CHRNA10: variants seen among roughly 807,000 people sequenced by gnomAD.
CHRNA10 encodes the protein neuronal acetylcholine receptor subunit alpha-10.
A neutral mutation model predicts 36.0 loss-of-function variants in CHRNA10; 31 were observed. The ratio of observed to expected loss-of-function variants is 0.86; its 90% CI spans 0.65 to 1.16. The LOEUF is 1.16. Ranked by LOEUF, CHRNA10 falls within the 50% of genes most tolerant of loss-of-function variation. The pLI, the probability that CHRNA10 is intolerant of heterozygous loss-of-function variation, is 0.00. For missense variants in CHRNA10, 648 were observed against 640.9 expected, an observed-to-expected ratio of 1.01 and a Z score of -0.12; for synonymous variants, 302 against 287.0, an observed-to-expected ratio of 1.05 and a Z score of -0.53.
At position 3,667,416 on chromosome 11, in the gene CHRNA10, G is replaced by T. The variant is rs760737901; in HGVS notation, c.711C>A (p.Ala237=). 4 of 1,596,462 alleles carry T rather than the reference G, an allele frequency of 2.5e-6. No individual in the cohort carries two copies. The Admixed American group carries it at 6.7e-5, about 27-fold the overall frequency. The change falls in exon 4 of 5, where the codon GCC becomes GCA. Residue 237 remains alanine, a synonymous_variant. Transcript: ENST00000250699. The part of the protein sequence containing the change: ...TFTLLLRRRA[A]AYVCNLLLPC... ...GCAGCAGCAGGTTGCACACGTAGGC[G>T]GCGGCGCGGCGGCGCAGCAGCAGCG...
At position 3,669,273 on chromosome 11, in the gene CHRNA10, G is replaced by A. The variant is rs2077694550; in HGVS notation, c.285C>T (p.Pro95=). Residue 95 remains proline (P), a synonymous_variant, in exon 3 of 5, where the codon CCC becomes CCT. Coordinates refer to ENST00000250699, the MANE Select transcript of CHRNA10 (RefSeq NM_020402.4). The part of the protein sequence containing the change: ...EWTDAYLRWD[P]NAYGGLDAIR... Reference sequence around the variant, plus strand: ...TGGCATCCAGGCCACCATAGGCATTGGGGTCCCATCGTAGGTAGGCATCTG... The same window carrying A: ...TGGCATCCAGGCCACCATAGGCATTAGGGTCCCATCGTAGGTAGGCATCTG... The A allele has an allele frequency of 1.2e-6, 2 of 1,614,070 alleles. No individual in the cohort carries two copies. The highest frequency in any genetic ancestry group is 1.1e-5 in the South Asian group (1 of 91,068).
chr11:3,668,449 C>G (rs977679725), intron 3 of CHRNA10: 1 of 152,186 alleles, frequency 6.6e-6, no homozygotes, highest in Non-Finnish European at 1.5e-5. Context: ...GGAGGCGGAG[C>G]TTGCAGTGAG....
At chr11:3,669,983 T>A (rs55716405) in intron 1 of CHRNA10, 42 bp from the exon 2 acceptor site, 646 of 1,608,682 alleles carry the variant, frequency 4.0e-4, no homozygotes, top group Non-Finnish European at 5.1e-4. Context: ...CAGGCCCTAG[T>A]CCCAGGGCCT....
rs74442809 is a variant in CHRNA10, at chr11:3,667,255, G to A, written c.872C>T (p.Pro291Leu). 1.6e-5 allele frequency: 26 copies of A among 1,591,920 alleles called. No individual in the cohort carries two copies. Among genetic ancestry groups the A allele is most frequent in the African/African-American group, 5.3e-5 (4 of 74,832 alleles). ...ACCGATGAGCGGCACGCTCTCGGCC[G>A]GTGGCATGCTCTCGGCCAGCAGCAA... is the stretch of plus-strand genomic sequence containing the variant. Reference protein sequence around the residue: ...FQLLLAESMPPAESVPLIGKY... With the variant: ...FQLLLAESMPLAESVPLIGKY... Residue 291 changes from proline to leucine, a missense_variant, in exon 4 of 5, where the codon CCG becomes CTG. Physicochemically the swap from Pro to Leu is moderately conservative, Grantham distance 98. Transcript: ENST00000250699.
intron 1 of CHRNA10, among the ~76,000 whole-genome samples, chr11:3,670,493 A>G (rs2077705745): frequency 6.6e-6 from 1 of 152,074 alleles, no homozygotes; most frequent in African/African-American, 2.4e-5. Flanking sequence ...TCTTCATCCC[A>G]GATTTTTCTC....
In CHRNA10 at chr11:3,666,151, T is replaced by C; in HGVS notation, c.1309A>G (p.Met437Val). 1.3e-6 allele frequency: 2 copies of C among 1,599,618 alleles called. No homozygotes were observed. The highest frequency in any genetic ancestry group is 8.5e-7 in the Non-Finnish European group (1 of 1,172,546). ...ACCAGGAGGCTCATGACCAGGGCCATGGAGAAGAAGATGGCCAGGAAGAAG... is the reference window on the plus strand; with the variant it reads ...ACCAGGAGGCTCATGACCAGGGCCACGGAGAAGAAGATGGCCAGGAAGAAG... ...DRFFLAIFFSMALVMSLLVLV... is the reference protein window; with the variant it reads ...DRFFLAIFFSVALVMSLLVLV... Residue 437 changes from methionine (M) to valine (V), a missense_variant, in exon 5 of 5, where the codon ATG (methionine) becomes GTG (valine). Coordinates refer to ENST00000250699, the MANE Select transcript of CHRNA10 (RefSeq NM_020402.4).
In CHRNA10 at chr11:3,669,248, T is replaced by C. The variant is rs574243253; in HGVS notation, c.310A>G (p.Ile104Val). ...CACACAAGACTGCTGGGGATGCGGA[T>C]GGCATCCAGGCCACCATAGGCATTG... Reference protein sequence around the residue: ...DPNAYGGLDAIRIPSSLVWRP... With the variant: ...DPNAYGGLDAVRIPSSLVWRP... The change falls in exon 3 of 5, where the codon ATC (isoleucine) becomes GTC (valine). Residue 104 changes from isoleucine to valine, a missense_variant. By Grantham distance (29) the Ile-to-Val change is conservative (BLOSUM62 3). Transcript: ENST00000250699. 6.2e-7 allele frequency: 1 copy of C among 1,614,020 alleles called. No homozygotes were observed. Among genetic ancestry groups the C allele is most frequent in the Admixed American group, 1.7e-5 (1 of 60,002 alleles).
intron 3 of CHRNA10, chr11:3,668,528 C>T (rs570783697): frequency 6.6e-6 from 1 of 152,188 alleles, no homozygotes; most frequent in South Asian, 2.1e-4. Context: ...AATAAATAAA[C>T]TTGTGCTTGT....
rs757743997 is a variant in CHRNA10 at position 3,667,621 on chromosome 11, C to T, written c.506G>A (p.Gly169Asp). 6.4e-7 allele frequency: 1 copy of T among 1,557,084 alleles called. No homozygotes were observed. The highest frequency in any genetic ancestry group is 1.2e-5 in the South Asian group (1 of 86,234). The change falls in exon 4 of 5, where the codon GGC becomes GAC. Residue 169 changes from glycine (G) to aspartate (D), a missense_variant. By Grantham distance (94) the Gly-to-Asp change is moderately conservative. Coordinates refer to ENST00000250699, the MANE Select transcript of CHRNA10 (RefSeq NM_020402.4). ...AAFPFDAQHC[G>D]LTFGSWTHGG... ...GTGAGTCCAGGAGCCGAACGTCAGGCCGCAGTGCTGGGCGTCGAACGGGAA... is the reference window on the plus strand; with the variant it reads ...GTGAGTCCAGGAGCCGAACGTCAGGTCGCAGTGCTGGGCGTCGAACGGGAA...
In CHRNA10 at chr11:3,666,307, CGTGGCAA is replaced by C; in HGVS notation, c.1146_1152del (p.Cys383SerfsTer15). 6.2e-7 allele frequency: 1 copy of C among 1,613,230 alleles called. No homozygotes were observed. On this transcript the variant is annotated frameshift_variant, in exon 5 of 5. Transcript: ENST00000250699. LOFTEE classifies it high-confidence loss of function. ...TCCTGGCGGCACAGACATCGTGGCT[CGTGGCAA>C]GGGCCCGCTGGGGGGCCAGCCCCTC...
rs758918163 is a variant in CHRNA10 at position 3,666,318 on chromosome 11, C to A, written c.1142G>T (p.Gly381Val). The stretch of plus-strand genomic sequence containing the variant: ...CAGACATCGTGGCTCGTGGCAAGGG[C>A]CCGCTGGGGGGCCAGCCCCTCCTTC... ...SPEGGAGPPA[G>V]PCHEPRCLCR... The change falls in exon 5 of 5, where the codon GGC (glycine) becomes GTC (valine). Residue 381 changes from glycine (G) to valine (V), a missense_variant. Gly to Val is a moderately radical substitution (Grantham distance 109, BLOSUM62 -3). Transcript: ENST00000250699. 1.9e-6 allele frequency: 3 copies of A among 1,613,072 alleles called. No homozygotes were observed. The Admixed American group carries it at 5.0e-5, about 27-fold the overall frequency.
Position 3,667,896 on chromosome 11 carries a change from A to C in CHRNA10, c.363-132T>G. The stretch of plus-strand genomic sequence containing the variant: ...TCTCCCCAGAATATTGAGGCTCGTT[A>C]AGTTCGAGACACTCACGACGCAGGG... On this transcript the variant is annotated intron_variant, in intron 3 of 4. Transcript: ENST00000250699. The C allele has an allele frequency of 6.2e-6, 5 of 802,724 alleles. No individual in the cohort carries two copies. In the South Asian group the frequency reaches 1.0e-4, roughly 16 times the overall value. The allele number at this position is 802,724 out of a possible 1,614,324, so 49.7% of individuals were successfully genotyped here. A position where few individuals can be genotyped will look rare whatever the true frequency, so the allele number is the denominator to read the frequency against.
Position 3,669,325 on chromosome 11 carries a change from A to G in CHRNA10, c.233T>C (p.Leu78Pro), listed in dbSNP as rs764007023. The change falls in exon 3 of 5, where the codon CTG (leucine) becomes CCG (proline). Residue 78 changes from leucine (L) to proline (P), a missense_variant. Transcript: ENST00000250699. ...DMDERNQVLT[L>P]YLWIRQEWTD... ...CCACTCCTGCCGTATCCACAGATACAGGGTCAGCACCTGGTTCCGTTCATC... is the reference window on the plus strand; with the variant it reads ...CCACTCCTGCCGTATCCACAGATACGGGGTCAGCACCTGGTTCCGTTCATC... 25 of 1,613,914 alleles carry G rather than the reference A, an allele frequency of 1.5e-5. No individual in the cohort carries two copies. The highest frequency in any genetic ancestry group is 2.0e-5 in the Non-Finnish European group (24 of 1,179,964).
At chr11:3,666,648 A>G (rs2133972429) in intron 4 of CHRNA10, 84 bp from the exon 5 acceptor site, 1 of 1,077,216 alleles carries the variant, frequency 9.3e-7, no homozygotes, top group Non-Finnish European at 1.3e-6. Flanking sequence ...ACAAATGGAA[A>G]TAAGCCCACC....
At chr11:3,671,086 C>T in intron 1 of CHRNA10, 166 bp downstream of exon 1, 1 of 685,458 alleles carries the variant, frequency 1.5e-6, no homozygotes, top group Non-Finnish European at 2.5e-6. Flanking sequence ...AGTCTCCTCT[C>T]ACGCACTTCA....
At chr11:3,671,103 C>T in intron 1 of CHRNA10, 149 bp downstream of exon 1, 1 of 809,676 alleles carries the variant, frequency 1.2e-6, no homozygotes, top group Admixed American at 2.2e-5. Flanking sequence ...TTCAGCACCC[C>T]TCTCCTCCAC....
rs755867944 is a variant in CHRNA10, at chr11:3,669,777, TACC to T, written c.207+16_207+18del. ...TGTGACAGGTAAGACTCCACAGCTG[TACC>T]ACCACCACAACGCACCATGTCGATG... is the stretch of plus-strand genomic sequence containing the variant. On this transcript the variant is annotated intron_variant, in intron 2 of 4. Coordinates refer to ENST00000250699, the MANE Select transcript of CHRNA10 (RefSeq NM_020402.4). 9.9e-5 allele frequency: 160 copies of T among 1,613,966 alleles called. 1 individual carries two copies. Among genetic ancestry groups the T allele is most frequent in the South Asian group, 3.7e-4 (34 of 91,058 alleles).
At position 3,667,359 on chromosome 11, in the gene CHRNA10, G is replaced by C. The variant is rs146548502; in HGVS notation, c.768C>G (p.Leu256=). Residue 256 remains leucine, a synonymous_variant, in exon 4 of 5, where the codon CTC becomes CTG. Transcript: ENST00000250699. ...CTGAGTCGGCAGGCAGGTGGAAGGCGAGCGGCGCAAGCAGCGAGATGAGCA... is the reference window on the plus strand; with the variant it reads ...CTGAGTCGGCAGGCAGGTGGAAGGCCAGCGGCGCAAGCAGCGAGATGAGCA... The part of the protein sequence containing the change: ...PCVLISLLAP[L]AFHLPADSGE... The C allele has an allele frequency of 1.9e-6, 3 of 1,601,290 alleles. No homozygotes were observed. The highest frequency in any genetic ancestry group is 2.5e-6 in the Non-Finnish European group (3 of 1,178,602).
chr11:3,666,266 G>C lies in CHRNA10; in HGVS notation c.1194C>G (p.His398Gln). 2 of 1,614,056 alleles carry C rather than the reference G, an allele frequency of 1.2e-6. No homozygotes were observed. The highest frequency in any genetic ancestry group is 1.1e-5 in the South Asian group (1 of 91,082). ...GGAAGGTATTGGCAATGGTGGCTAC[G>C]TGGTGCAGTAGGGCTTCCTGGCGGC... ...CLCRQEALLH[H>Q]VATIANTFRS... The change falls in exon 5 of 5, where the codon CAC becomes CAG. Residue 398 changes from histidine (H) to glutamine (Q), a missense_variant. By Grantham distance (24) the His-to-Gln change is conservative (BLOSUM62 0). Coordinates refer to ENST00000250699, the MANE Select transcript of CHRNA10 (RefSeq NM_020402.4).
Sources: gnomAD v4.1 joint callset for allele counts (sites outside exome capture counted in the v4.1 genomes callset) on GRCh38, gnomAD v4.1.1 for gene constraint, MANE v1.5 for transcripts, NCBI Gene and HGNC (gene_info 2026-07-23, HGNC 2026-07-21) for gene names.